The following KDM4B variants were observed in gnomAD, a reference collection of about 807,000 sequenced individuals.
KDM4B encodes the protein lysine demethylase 4B, also known as lysine-specific demethylase 4B.
Under a neutral mutation model 125.2 loss-of-function variants are expected in KDM4B, and 32 were observed. The observed-to-expected ratio is 0.26, with a 90% CI of 0.19 to 0.34. The LOEUF is 0.34. Among genes scored for constraint, KDM4B ranks in the 10% least tolerant of loss-of-function variants. The pLI is 1.00. For missense variants in KDM4B, 1,190 were observed against 1,577.7 expected (o/e 0.75, Z 4.16); for synonymous variants, 721 against 677.9 (o/e 1.06, Z -0.99).
chr19:5,094,967 G>A (rs2038789905), intron 9 of KDM4B, among the ~76,000 whole-genome samples: 2 of 152,164 alleles, frequency 1.3e-5, no homozygotes, highest in Non-Finnish European at 2.9e-5. Flanking sequence ...CTGTGGAGGG[G>A]TCTGCAGCTC....
At chr19:5,046,130 T>TG (rs1312746655) in intron 5 of KDM4B, among the ~76,000 whole-genome samples, 3 of 152,222 alleles carry the variant, frequency 2.0e-5, no homozygotes, top group Non-Finnish European at 4.4e-5. Flanking sequence ...TGCCTGCACT[T>TG]GGCCTGTAGT....
chr19:5,021,264 G>A (rs2036111495), intron 2 of KDM4B, among the ~76,000 whole-genome samples: 1 of 152,160 alleles, frequency 6.6e-6, no homozygotes, highest in African/African-American at 2.4e-5. Flanking sequence ...GTCATGACCA[G>A]GAGGGCATCT....
Position 5,133,917 on chromosome 19 carries a change from TGACCCG to T in KDM4B, c.1945_1950del (p.Pro649_Asp650del), listed in dbSNP as rs1433504546. 1 of 1,613,074 alleles carries T rather than the reference TGACCCG, an allele frequency of 6.2e-7. No individual in the cohort carries two copies. Among genetic ancestry groups the T allele is most frequent in the Non-Finnish European group, 8.5e-7 (1 of 1,179,916 alleles). On this transcript the variant is annotated inframe_deletion, in exon 14 of 23. Transcript: ENST00000159111. ...CTTTCTCCGGGGAGGAAGATGTGAG[TGACCCG>T]GACGCCTTGAGGCCGCTGCTGTCTC...
intron 7 of KDM4B, 85 bp from the exon 8 acceptor site, chr19:5,077,282 G>A: frequency 8.5e-7 from 1 of 1,172,824 alleles, no homozygotes; most frequent in Non-Finnish European, 1.2e-6. Flanking sequence ...TGGGAGGAAA[G>A]AGCCAGCCTG....
chr19:5,097,165 C>T (rs768884124), intron 9 of KDM4B, among the ~76,000 whole-genome samples: 2 of 152,214 alleles, frequency 1.3e-5, no homozygotes, highest in East Asian at 1.9e-4. Context: ...AGATGTCAAT[C>T]TCACCGTACA....
At chr19:5,042,951 C>T (rs999693461) in intron 5 of KDM4B, among the ~76,000 whole-genome samples, 5 of 147,790 alleles carry the variant, frequency 3.4e-5, no homozygotes, top group Non-Finnish European at 7.4e-5. Flanking sequence ...ATTTTGTGCA[C>T]GAAGCGAAGT....
rs2039221668 is a variant in KDM4B, at chr19:5,114,707, C to T, written c.1115+3889C>T. 6.6e-6 allele frequency among the ~76,000 whole-genome samples: 1 copy of T among 152,160 alleles called. No individual in the cohort carries two copies. Among genetic ancestry groups the T allele is most frequent in the South Asian group, 2.1e-4 (1 of 4,818 alleles). ...GCGGCTCTGAGGGCTCAGCCTGGGG[C>T]CAGCCTCCCAGTCCTCCCCACCTTG... is the stretch of plus-strand genomic sequence containing the variant. On this transcript the variant is annotated intron_variant, in intron 10 of 22. Coordinates refer to ENST00000159111, the MANE Select transcript of KDM4B (RefSeq NM_015015.3). The surrounding 1 kb of genome is among the most constrained non-coding windows in gnomAD (Gnocchi z 5.8).
chr19:5,024,223 G>A (rs2036212067), intron 2 of KDM4B, among the ~76,000 whole-genome samples: 1 of 152,092 alleles, frequency 6.6e-6, no homozygotes. Context: ...TCAGATCTTG[G>A]GGACATGGGC....
chr19:5,129,199 G>A (rs768677733), intron 11 of KDM4B, among the ~76,000 whole-genome samples: 1 of 152,176 alleles, frequency 6.6e-6, no homozygotes, highest in East Asian at 1.9e-4. Flanking sequence ...AGCAGGGAGG[G>A]CAGGGCCGCC....
intron 6 of KDM4B, among the ~76,000 whole-genome samples, chr19:5,049,118 C>T (rs1171743869): frequency 6.6e-6 from 1 of 152,118 alleles, no homozygotes; most frequent in African/African-American, 2.4e-5. Flanking sequence ...GTCAGAGGGG[C>T]CTCTGCGGGA....
intron 6 of KDM4B, among the ~76,000 whole-genome samples, chr19:5,068,191 G>A (rs113331489): frequency 0.044 from 6,637 of 151,136 alleles, 197 homozygotes; most frequent in Non-Finnish European, 0.067. Context: ...TGCATTCTTC[G>A]CTCTTTGGGG....
chr19:4,977,639 G>C (rs999951334), intron 1 of KDM4B, among the ~76,000 whole-genome samples: 1 of 152,216 alleles, frequency 6.6e-6, no homozygotes, highest in Non-Finnish European at 1.5e-5. Context: ...CGTGGATTCA[G>C]AATCGCTCTT....
chr19:5,070,355 G>A (rs1038687782), intron 6 of KDM4B, among the ~76,000 whole-genome samples: 3 of 152,192 alleles, frequency 2.0e-5, no homozygotes, highest in East Asian at 1.9e-4. Context: ...CTTCTGGTAC[G>A]GCATGAGCGG....
intron 22 of KDM4B, 111 bp from the exon 23 acceptor site, chr19:5,151,224 A>G: frequency 2.1e-6 from 2 of 962,278 alleles, no homozygotes; most frequent in Non-Finnish European, 2.8e-6. Context: ...CAGCCCCCAC[A>G]GCAATCAGGG....
chr19:5,028,428 G>A (rs1030014741), intron 2 of KDM4B, among the ~76,000 whole-genome samples: 2 of 152,216 alleles, frequency 1.3e-5, no homozygotes, highest in Non-Finnish European at 2.9e-5. Flanking sequence ...TTTCATGGCT[G>A]TGTCGTATTC....
chr19:5,143,951 G>A lies in KDM4B; in HGVS notation c.2551-16G>A. 1 of 1,567,408 alleles carries A rather than the reference G, an allele frequency of 6.4e-7. No homozygotes were observed. The highest frequency in any genetic ancestry group is 8.7e-7 in the Non-Finnish European group (1 of 1,147,952). On this transcript the variant is annotated splice_polypyrimidine_tract_variant and intron_variant, in intron 18 of 22. Transcript: ENST00000159111. ...AAGCTCGAGCCCCATGCCCCTGCCTGTGTCCCCATCCCCAGAAATGCGTGT... is the reference window on the plus strand; with the variant it reads ...AAGCTCGAGCCCCATGCCCCTGCCTATGTCCCCATCCCCAGAAATGCGTGT...
In KDM4B at chr19:5,078,804, A is replaced by G. The variant is rs2038201672; in HGVS notation, c.780+1334A>G. 6.6e-6 allele frequency: 1 copy of G among 152,098 alleles called. No individual in the cohort carries two copies. The highest frequency in any genetic ancestry group is 2.1e-4 in the South Asian group (1 of 4,820). The allele number at this position is 152,098 out of a possible 1,614,324, so 9.4% of individuals were successfully genotyped here. On this transcript the variant is annotated intron_variant, in intron 8 of 22. Transcript: ENST00000159111. This position sits in a 1 kb window ranked among gnomAD's most constrained non-coding sequence, Gnocchi z 4.5. ...CAGCCTCAGAGCGGCTGCTGGCACC[A>G]TGCATGGTAGCAGGCGGGGTCCAGG...
intron 11 of KDM4B, among the ~76,000 whole-genome samples, chr19:5,125,352 C>T (rs1325533377): frequency 6.6e-6 from 1 of 152,196 alleles, no homozygotes; most frequent in Non-Finnish European, 1.5e-5. Flanking sequence ...ACCAGGGGGT[C>T]CTGGTTCTCC....
rs1016403324 is a variant in KDM4B at position 5,067,654 on chromosome 19, A to G, written c.627-3356A>G. 5.9e-5 allele frequency among the ~76,000 whole-genome samples: 9 copies of G among 151,944 alleles called. 2 individuals carry two copies. The highest frequency in any genetic ancestry group is 2.2e-4 in the African/African-American group (9 of 41,476). On this transcript the variant is annotated intron_variant, in intron 6 of 22. Transcript: ENST00000159111. ...ATGGGGGAGGGAGGGGAGGGAGGGAATGCCAGGGGCTTGTGGGCAGGGCCC... is the reference window on the plus strand; with the variant it reads ...ATGGGGGAGGGAGGGGAGGGAGGGAGTGCCAGGGGCTTGTGGGCAGGGCCC...
Sources: allele counts gnomAD v4.1 joint callset (sites outside exome capture counted in the v4.1 genomes callset), GRCh38; gene constraint gnomAD v4.1.1; non-coding constraint Gnocchi (gnomAD v3.1); transcripts MANE v1.5; gene names NCBI Gene and HGNC (gene_info 2026-07-23, HGNC 2026-07-21).